ADCY8: variants seen among roughly 807,000 people sequenced by gnomAD.
ADCY8 encodes the protein adenylate cyclase 8.
A neutral mutation model predicts 119.7 loss-of-function variants in ADCY8; 51 were observed. That is an observed-to-expected ratio of 0.43 (90% CI 0.34 to 0.54). The LOEUF (loss-of-function observed/expected upper bound fraction) is 0.54. Among genes scored for constraint, ADCY8 ranks in the 20% least tolerant of loss-of-function variants. ADCY8 has a pLI of 0.03. For synonymous variants in ADCY8, 665 were observed against 651.0 expected (o/e 1.02, Z -0.33); for missense variants, 1,383 against 1,598.8 (o/e 0.87, Z 2.30).
At chr8:131,006,536 A>T (rs1326313662) in intron 1 of ADCY8, among the ~76,000 whole-genome samples, 1 of 152,152 alleles carries the variant, frequency 6.6e-6, no homozygotes, top group Non-Finnish European at 1.5e-5. Flanking sequence ...AGGATCTACT[A>T]CCTAAAAAGT....
intron 8 of ADCY8, among the ~76,000 whole-genome samples, chr8:130,883,821 AG>A (rs1288823428): frequency 6.6e-6 from 1 of 151,998 alleles, no homozygotes; most frequent in African/African-American, 2.4e-5. Context: ...GAGGTGGGGG[AG>A]GGGAATGGAA....
At chr8:130,789,468 T>C (rs1013068338) in intron 15 of ADCY8, among the ~76,000 whole-genome samples, 4 of 152,224 alleles carry the variant, frequency 2.6e-5, no homozygotes, top group African/African-American at 9.6e-5. Flanking sequence ...ACATTGCATG[T>C]TTCCTTGTAC....
chr8:131,002,970 G>A (rs927665944), intron 1 of ADCY8, among the ~76,000 whole-genome samples: 2 of 152,174 alleles, frequency 1.3e-5, no homozygotes, highest in African/African-American at 4.8e-5. Context: ...GATGGCCAAG[G>A]CAGGTGCATC....
chr8:131,004,016 C>T (rs569229555), intron 1 of ADCY8, among the ~76,000 whole-genome samples: 79 of 152,262 alleles, frequency 5.2e-4, no homozygotes, highest in Non-Finnish European at 8.7e-4. Context: ...CTTGTTGAGC[C>T]TTTCCTCCCC....
intron 5 of ADCY8, among the ~76,000 whole-genome samples, chr8:130,919,999 C>T (rs1210567353): frequency 6.6e-6 from 1 of 151,778 alleles, no homozygotes; most frequent in Non-Finnish European, 1.5e-5. Context: ...GAAGCAGGGC[C>T]TGGTGCAGTG....
chr8:130,896,587 A>G (rs1409730928), intron 7 of ADCY8, among the ~76,000 whole-genome samples: 1 of 152,190 alleles, frequency 6.6e-6, no homozygotes, highest in Non-Finnish European at 1.5e-5. Context: ...GAAAGCAGGC[A>G]AAGTGTGATG....
At chr8:130,918,803 G>A (rs28404858) in intron 5 of ADCY8, among the ~76,000 whole-genome samples, 26,739 of 152,132 alleles carry the variant, frequency 0.18, 2,443 homozygotes, top group African/African-American at 0.21. Flanking sequence ...GGCTCATGCC[G>A]TAATCTCAGC....
At chr8:130,931,349 G>C (rs1586581972) in intron 5 of ADCY8, among the ~76,000 whole-genome samples, 1 of 152,052 alleles carries the variant, frequency 6.6e-6, no homozygotes, top group African/African-American at 2.4e-5. Context: ...GCTTCTTATT[G>C]TTGTTGTTGC....
chr8:130,933,321 A>G (rs1417227046), intron 5 of ADCY8, among the ~76,000 whole-genome samples: 1 of 152,252 alleles, frequency 6.6e-6, no homozygotes, highest in Non-Finnish European at 1.5e-5. Flanking sequence ...TGAATAAAAA[A>G]TTCCATCTTG....
chr8:130,802,377 C>T (rs542683021), intron 14 of ADCY8, among the ~76,000 whole-genome samples: 17 of 152,322 alleles, frequency 1.1e-4, no homozygotes, highest in Admixed American at 1.1e-3. Context: ...TTCCCATTTT[C>T]CTTCTTGATC....
chr8:130,911,166 G>A (rs1180122859), intron 5 of ADCY8, among the ~76,000 whole-genome samples: 1 of 152,092 alleles, frequency 6.6e-6, no homozygotes, highest in Non-Finnish European at 1.5e-5. Flanking sequence ...TTAAGAATGA[G>A]CAAGAAAGTA....
At chr8:130,852,977 C>T (rs945863535) in intron 9 of ADCY8, among the ~76,000 whole-genome samples, 21 of 152,168 alleles carry the variant, frequency 1.4e-4, no homozygotes, top group African/African-American at 5.1e-4. Context: ...GACTCTGCTC[C>T]TCCCCTCAGC....
In ADCY8 at chr8:130,967,567, T is replaced by C. The variant is rs79736493; in HGVS notation, c.1111-15569A>G. Among the ~76,000 whole-genome samples, 153 of 152,326 alleles carry C rather than the reference T, an allele frequency of 1.0e-3. 3 individuals carry two copies. In the East Asian group the frequency reaches 0.026, roughly 26 times the overall value. On this transcript the variant is annotated intron_variant, in intron 2 of 17. Transcript: ENST00000286355. Reference sequence around the variant, plus strand: ...TTAGAAAATAGCAGTGGCCATCAGATATGTTTTAATTCTTCCCAGTGCTCA... The same window carrying C: ...TTAGAAAATAGCAGTGGCCATCAGACATGTTTTAATTCTTCCCAGTGCTCA...
intron 5 of ADCY8, among the ~76,000 whole-genome samples, chr8:130,915,064 G>C (rs544980725): frequency 6.6e-6 from 1 of 152,314 alleles, no homozygotes; most frequent in South Asian, 2.1e-4. Context: ...CTTTCAAACA[G>C]AGCAAATCTA....
intron 5 of ADCY8, among the ~76,000 whole-genome samples, chr8:130,936,073 A>ATGTGTGTG (rs35028784): frequency 0.03 from 4,444 of 147,112 alleles, 135 homozygotes; most frequent in African/African-American, 0.08. Context: ...AAGCACTGAC[A>ATGTGTGTG]TGTGTGTGTG....
At chr8:130,984,007 G>T (rs1247423135) in intron 2 of ADCY8, among the ~76,000 whole-genome samples, 5 of 152,240 alleles carry the variant, frequency 3.3e-5, no homozygotes, top group African/African-American at 1.2e-4. Context: ...GCTGGCTACT[G>T]TGGGCTCACT....
Position 131,040,114 on chromosome 8 carries a change from C to G in ADCY8, c.220G>C (p.Gly74Arg). 2.0e-6 allele frequency: 3 copies of G among 1,526,512 alleles called. No individual in the cohort carries two copies. The highest frequency in any genetic ancestry group is 2.6e-6 in the Non-Finnish European group (3 of 1,143,346). 94.6% of individuals were successfully genotyped at this position (1,526,512 alleles called of 1,614,324 possible). Residue 74 changes from glycine to arginine, a missense_variant, in exon 1 of 18, where the codon GGC (glycine) becomes CGC (arginine). Coordinates refer to ENST00000286355, the MANE Select transcript of ADCY8 (RefSeq NM_001115.3). ...GSGKASDPAG[G>R]GPNHHAPQLS... ...TGCGGCGCGTGGTGGTTGGGGCCGC[C>G]GCCCGCAGGGTCCGAGGCTTTGCCC...
intron 7 of ADCY8, among the ~76,000 whole-genome samples, chr8:130,901,444 G>T (rs139651866): frequency 1.2e-4 from 18 of 152,116 alleles, no homozygotes; most frequent in Non-Finnish European, 2.4e-4. Context: ...AAAACATCTG[G>T]CCAATTTAGC....
chr8:131,006,110 G>A (rs1408740832), intron 1 of ADCY8, among the ~76,000 whole-genome samples: 1 of 151,906 alleles, frequency 6.6e-6, no homozygotes, highest in Non-Finnish European at 1.5e-5. Flanking sequence ...TGCACAAGAA[G>A]CAGCTTCTCT....
Sources: allele counts gnomAD v4.1 joint callset (sites outside exome capture counted in the v4.1 genomes callset), GRCh38; gene constraint gnomAD v4.1.1; transcripts MANE v1.5; gene names NCBI Gene and HGNC (gene_info 2026-07-23, HGNC 2026-07-21).